NALF1: variants seen among roughly 807,000 people sequenced by gnomAD.
The protein encoded by NALF1 is NALCN channel auxiliary factor 1.
In NALF1, 3 loss-of-function variants were observed where a neutral mutation model predicts 48.4. The ratio of observed to expected loss-of-function variants is 0.06; its 90% CI spans 0.03 to 0.16. The LOEUF (loss-of-function observed/expected upper bound fraction) is 0.16. Ranked by LOEUF, NALF1 falls within the 10% of genes least tolerant of loss-of-function variation. The pLI is 1.00. For synonymous variants in NALF1, 262 were observed against 245.7 expected, an observed-to-expected ratio of 1.07 and a Z score of -0.62; for missense variants, 526 against 571.5, an observed-to-expected ratio of 0.92 and a Z score of 0.81.
At chr13:107,321,843 T>C (rs904888017) in intron 1 of NALF1, among the ~76,000 whole-genome samples, 2 of 152,140 alleles carry the variant, frequency 1.3e-5, no homozygotes, top group Non-Finnish European at 2.9e-5. Flanking sequence ...ATCCATATCC[T>C]TGTTTAAAAT....
chr13:107,594,882 C>T (rs1355206656), intron 1 of NALF1, among the ~76,000 whole-genome samples: 1 of 151,510 alleles, frequency 6.6e-6, no homozygotes, highest in African/African-American at 2.4e-5. Context: ...ATATCTGAAT[C>T]AAAAATTAAA....
intron 1 of NALF1, among the ~76,000 whole-genome samples, chr13:107,482,311 C>G (rs1885266168): frequency 6.6e-6 from 1 of 152,072 alleles, no homozygotes; most frequent in Non-Finnish European, 1.5e-5. Flanking sequence ...GTGGTATGAG[C>G]CAATTCTTTA....
intron 1 of NALF1, among the ~76,000 whole-genome samples, chr13:107,237,025 A>T (rs530404278): frequency 4.0e-4 from 61 of 151,602 alleles, no homozygotes; most frequent in Non-Finnish European, 7.4e-4. Flanking sequence ...ACATCTTTGG[A>T]TTTTGGTATC....
At chr13:107,193,900 T>TAGAG (rs34823936) in intron 2 of NALF1, among the ~76,000 whole-genome samples, 13 of 150,684 alleles carry the variant, frequency 8.6e-5, no homozygotes, top group East Asian at 2.0e-4. Context: ...GAGCTGGCAC[T>TAGAG]AGAGAGAGAG....
At chr13:107,645,652 T>A (rs1880294503) in intron 1 of NALF1, among the ~76,000 whole-genome samples, 1 of 144,892 alleles carries the variant, frequency 6.9e-6, no homozygotes. Context: ...AATTTCTCTG[T>A]CTCTACCACC....
chr13:107,313,706 A>G (rs1435993431), intron 1 of NALF1, among the ~76,000 whole-genome samples: 1 of 152,182 alleles, frequency 6.6e-6, no homozygotes, highest in Non-Finnish European at 1.5e-5. Flanking sequence ...TGACTAAGGC[A>G]TAAGTGACTA....
At chr13:107,582,086 T>C (rs764733950) in intron 1 of NALF1, among the ~76,000 whole-genome samples, 3 of 152,112 alleles carry the variant, frequency 2.0e-5, no homozygotes, top group South Asian at 2.1e-4. Context: ...TCTCTGGATA[T>C]GAAACACATT....
intron 1 of NALF1, among the ~76,000 whole-genome samples, chr13:107,714,874 G>T (rs1034932997): frequency 6.6e-6 from 1 of 152,036 alleles, no homozygotes. Flanking sequence ...AATTAACCAG[G>T]TTATACCATA....
In NALF1 at chr13:107,382,104, A is replaced by AC. The variant is rs1230341545; in HGVS notation, c.916-171350dup. ...CATCTCTTGCTGGGCTTCTGAAAGT[A>AC]CCCCCTCATTTCATTTCCTGTGTTC... On this transcript the variant is annotated intron_variant, in intron 1 of 2. Coordinates refer to ENST00000375915, the MANE Select transcript of NALF1 (RefSeq NM_001080396.3). Among the ~76,000 whole-genome samples, 2 of 152,054 alleles carry AC rather than the reference A, an allele frequency of 1.3e-5. 1 individual carries two copies. Among genetic ancestry groups the AC allele is most frequent in the South Asian group, 4.2e-4 (2 of 4,814 alleles).
chr13:107,266,484 T>C (rs1411752592), intron 1 of NALF1, among the ~76,000 whole-genome samples: 1 of 152,160 alleles, frequency 6.6e-6, no homozygotes, highest in African/African-American at 2.4e-5. Flanking sequence ...TCTTCTTATT[T>C]AGGTTATTTT....
chr13:107,533,964 G>T lies in NALF1; in HGVS notation c.916-323209C>A, dbSNP rs1226356089. On this transcript the variant is annotated intron_variant, in intron 1 of 2. Coordinates refer to ENST00000375915, the MANE Select transcript of NALF1 (RefSeq NM_001080396.3). ...AAAAAGATCTATTATGACTTGGGGA[G>T]AACCAGGGGACCAAATATCCTGCAA... 2.6e-5 allele frequency among the ~76,000 whole-genome samples: 4 copies of T among 152,180 alleles called. No homozygotes were observed. The East Asian group carries it at 7.8e-4, about 30-fold the overall frequency.
At chr13:107,562,287 C>G (rs773441203) in intron 1 of NALF1, among the ~76,000 whole-genome samples, 1 of 152,178 alleles carries the variant, frequency 6.6e-6, no homozygotes, top group African/African-American at 2.4e-5. Flanking sequence ...GAGTCTTATG[C>G]TAGCATCTGT....
intron 1 of NALF1, among the ~76,000 whole-genome samples, chr13:107,318,007 A>G (rs953406340): frequency 1.2e-4 from 18 of 152,110 alleles, no homozygotes; most frequent in Non-Finnish European, 2.6e-4. Flanking sequence ...GACACAGGTA[A>G]TAATCACTGA....
At chr13:107,632,123 G>C (rs556734342) in intron 1 of NALF1, among the ~76,000 whole-genome samples, 106 of 152,234 alleles carry the variant, frequency 7.0e-4, no homozygotes, top group African/African-American at 2.4e-3. Flanking sequence ...TTTAAAATGA[G>C]TTTAATGTGC....
chr13:107,324,330 T>C (rs1882309191), intron 1 of NALF1, among the ~76,000 whole-genome samples: 1 of 152,230 alleles, frequency 6.6e-6, no homozygotes, highest in African/African-American at 2.4e-5. Flanking sequence ...TTAGAACTTA[T>C]TTTAATATTT....
intron 1 of NALF1, among the ~76,000 whole-genome samples, chr13:107,592,707 C>A (rs918110912): frequency 2.6e-5 from 4 of 151,868 alleles, no homozygotes; most frequent in Non-Finnish European, 5.9e-5. Flanking sequence ...TTGTTATCAT[C>A]AACTTCTAAA....
chr13:107,197,973 A>AT (rs1879428694), intron 2 of NALF1, among the ~76,000 whole-genome samples: 1 of 152,226 alleles, frequency 6.6e-6, no homozygotes, highest in African/African-American at 2.4e-5. Flanking sequence ...GTATTAGTCT[A>AT]TATTTCCTTT....
chr13:107,427,985 C>T (rs1289180142), intron 1 of NALF1, among the ~76,000 whole-genome samples: 1 of 152,156 alleles, frequency 6.6e-6, no homozygotes, highest in East Asian at 1.9e-4. Context: ...GGGAGAAAGA[C>T]ATCTAGTTAT....
rs1238507238 is a variant in NALF1, at chr13:107,403,204, T to TTATTTTA, written c.916-192450_916-192449insTAAAATA. Among the ~76,000 whole-genome samples the TTATTTTA allele has an allele frequency of 2.3e-3, 336 of 143,810 alleles. 6 individuals are homozygous for TTATTTTA. Among genetic ancestry groups the TTATTTTA allele is most frequent in the African/African-American group, 8.2e-3 (317 of 38,830 alleles). The allele number at this position is 143,810 out of a possible 152,430, so 94.3% of individuals were successfully genotyped here. On this transcript the variant is annotated intron_variant, in intron 1 of 2. Transcript: ENST00000375915. ...TTGTTCGGGCTTTTTTTTTTTTTTT[T>TTATTTTA]TTTTTTTTTTTTTTATCATTTTCGT...
Sources: gnomAD v4.1 joint callset for allele counts (sites outside exome capture counted in the v4.1 genomes callset) on GRCh38, gnomAD v4.1.1 for gene constraint, MANE v1.5 for transcripts, NCBI Gene and HGNC (gene_info 2026-07-23, HGNC 2026-07-21) for gene names.